Variants in TCF12 observed in about 807,000 individuals in gnomAD.
The protein encoded by TCF12 is DNA-binding protein HTF4.
A neutral mutation model predicts 86.0 loss-of-function variants in TCF12; 45 were observed. The observed-to-expected ratio is 0.52, with a 90% CI of 0.41 to 0.67. TCF12 has a LOEUF of 0.67. Ranked by LOEUF, TCF12 falls within the 30% of genes least tolerant of loss-of-function variation. The probability of loss-of-function intolerance (pLI) is 0.00; values close to 1 mark genes in which losing one functional copy is unlikely to be tolerated. For synonymous variants in TCF12, 330 were observed against 299.6 expected (o/e 1.10, Z -1.05); for missense variants, 881 against 859.9 (o/e 1.02, Z -0.31).
intron 3 of TCF12, among the ~76,000 whole-genome samples, chr15:56,952,407 G>A (rs2116064): frequency 0.05 from 7,420 of 149,260 alleles, 389 homozygotes; most frequent in African/African-American, 0.13. Context: ...TGTCAGTACT[G>A]TTGTGTCAGT....
At chr15:57,141,420 G>C (rs914908140) in intron 5 of TCF12, among the ~76,000 whole-genome samples, 2 of 152,210 alleles carry the variant, frequency 1.3e-5, no homozygotes, top group Admixed American at 1.3e-4. Context: ...CACGATCTCA[G>C]CTCACTGCAA....
chr15:57,090,158 G>T (rs1171805566), intron 4 of TCF12, among the ~76,000 whole-genome samples: 3 of 152,134 alleles, frequency 2.0e-5, no homozygotes, highest in African/African-American at 7.2e-5. Flanking sequence ...GTTGAGGCTA[G>T]TCAGCAGTGA....
chr15:57,152,090 C>A (rs1276703117), intron 5 of TCF12, among the ~76,000 whole-genome samples: 2 of 152,168 alleles, frequency 1.3e-5, no homozygotes, highest in Non-Finnish European at 1.5e-5. Context: ...GGAGTGGAAG[C>A]CTCTGGTAAA....
At chr15:56,919,795 C>T in intron 1 of TCF12, 97 bp from the exon 2 acceptor site, 1 of 1,104,172 alleles carries the variant, frequency 9.1e-7, no homozygotes, top group Non-Finnish European at 1.3e-6. Flanking sequence ...CCGGCGCCCC[C>T]AGCGCTCTTG....
At chr15:57,004,328 A>G (rs768549814) in intron 3 of TCF12, among the ~76,000 whole-genome samples, 1 of 151,840 alleles carries the variant, frequency 6.6e-6, no homozygotes, top group African/African-American at 2.4e-5. Flanking sequence ...CCACAGTTCA[A>G]GCGAGTTCAA....
chr15:57,123,971 A>AAAAAAAAAAAAAAAAAAG (rs2051434857), intron 5 of TCF12, among the ~76,000 whole-genome samples: 1 of 102,846 alleles, frequency 9.7e-6, no homozygotes, highest in African/African-American at 3.3e-5. Flanking sequence ...TCCGTCTCAA[A>AAAAAAAAAAAAAAAAAAG]AAAAAAAAAA....
chr15:56,966,871 C>A (rs1194730361), intron 3 of TCF12, among the ~76,000 whole-genome samples: 5 of 152,048 alleles, frequency 3.3e-5, no homozygotes, highest in African/African-American at 1.2e-4. Flanking sequence ...GCCTGTAATC[C>A]CAGCACTTTG....
intron 3 of TCF12, among the ~76,000 whole-genome samples, chr15:56,951,829 G>T (rs1448825836): frequency 6.6e-6 from 1 of 152,036 alleles, no homozygotes; most frequent in East Asian, 1.9e-4. Flanking sequence ...CTTATTTATT[G>T]TAGAGATGGG....
intron 5 of TCF12, among the ~76,000 whole-genome samples, chr15:57,095,321 C>T (rs1289150505): frequency 6.6e-6 from 1 of 152,164 alleles, no homozygotes; most frequent in African/African-American, 2.4e-5. Context: ...TTTCTCCACC[C>T]TTGATCCTCT....
At chr15:57,002,868 A>G (rs191542640) in intron 3 of TCF12, among the ~76,000 whole-genome samples, 124 of 152,328 alleles carry the variant, frequency 8.1e-4, no homozygotes, top group Non-Finnish European at 1.4e-3. Flanking sequence ...GCACCTGCAA[A>G]ACCAACAGAT....
chr15:57,261,668 T>C (rs1365808540), intron 16 of TCF12, among the ~76,000 whole-genome samples: 1 of 152,166 alleles, frequency 6.6e-6, no homozygotes, highest in African/African-American at 2.4e-5. Context: ...TTTGATGGTG[T>C]TTGCATTGCT....
At chr15:56,969,583 A>C (rs12907838) in intron 3 of TCF12, among the ~76,000 whole-genome samples, 1 of 136,376 alleles carries the variant, frequency 7.3e-6, no homozygotes, top group Admixed American at 7.9e-5. Context: ...TGTCACCCGG[A>C]CTGGAGGGCA....
intron 4 of TCF12, among the ~76,000 whole-genome samples, chr15:57,085,050 G>T (rs1456628969): frequency 1.1e-4 from 17 of 151,928 alleles, no homozygotes. Context: ...AAAAGTTTTT[G>T]ATTCTCCTCT....
In TCF12 at chr15:57,286,607, C is replaced by T. The variant is rs764484148; in HGVS notation, c.*462C>T. The T allele has an allele frequency of 2.2e-5, 10 of 456,530 alleles. No individual in the cohort carries two copies. The highest frequency in any genetic ancestry group is 6.0e-5 in the African/African-American group (3 of 50,078). 28.3% of individuals were successfully genotyped at this position (456,530 alleles called of 1,614,324 possible). On this transcript the variant is annotated 3_prime_UTR_variant, in exon 21 of 21. Coordinates refer to ENST00000333725, the MANE Select transcript of TCF12 (RefSeq NM_207037.2). ...CAGCTGATGCCAGCATACATTAAAG[C>T]GGTTCACGTGCAGAGAACAAAGCAG...
intron 16 of TCF12, among the ~76,000 whole-genome samples, chr15:57,253,967 A>G (rs1335424989): frequency 6.6e-6 from 1 of 152,184 alleles, no homozygotes; most frequent in African/African-American, 2.4e-5. Flanking sequence ...TAATCCACAA[A>G]GAGAATTTTT....
chr15:57,277,271 G>A (rs1421515417), intron 19 of TCF12, among the ~76,000 whole-genome samples: 1 of 152,110 alleles, frequency 6.6e-6, no homozygotes, highest in Non-Finnish European at 1.5e-5. Flanking sequence ...GCTGAAGCGA[G>A]CTGTGATCAT....
chr15:57,205,149 T>C (rs768430242), intron 8 of TCF12, among the ~76,000 whole-genome samples: 5 of 151,860 alleles, frequency 3.3e-5, no homozygotes, highest in Non-Finnish European at 7.4e-5. Context: ...CCCGCCTCTA[T>C]AAAGAAATAC....
intron 5 of TCF12, among the ~76,000 whole-genome samples, chr15:57,103,417 C>A (rs1366153485): frequency 6.6e-6 from 1 of 152,180 alleles, no homozygotes; most frequent in Non-Finnish European, 1.5e-5. Flanking sequence ...CTCTACAAAA[C>A]ATTTTTTGAA....
Position 56,999,814 on chromosome 15 carries a change from C to T in TCF12, c.149-63936C>T, listed in dbSNP as rs2063917775. 2.0e-5 allele frequency among the ~76,000 whole-genome samples: 3 copies of T among 152,058 alleles called. No individual in the cohort carries two copies. The South Asian group carries it at 6.2e-4, about 32-fold the overall frequency. ...CCTTAAGTCTGGGAGGCAGTGGTTG[C>T]ACTGAGACAAGATGGAGCCACTGCA... On this transcript the variant is annotated intron_variant, in intron 3 of 20. Transcript: ENST00000333725.
Sources: allele counts gnomAD v4.1 joint callset (sites outside exome capture counted in the v4.1 genomes callset), GRCh38; gene constraint gnomAD v4.1.1; transcripts MANE v1.5; gene names NCBI Gene and HGNC (gene_info 2026-07-23, HGNC 2026-07-21).